The following MAGI2 variants were observed in gnomAD, a reference collection of about 807,000 sequenced individuals.
The protein encoded by MAGI2 is membrane-associated guanylate kinase, WW and PDZ domain-containing protein 2.
MAGI2 carries 35 observed loss-of-function variants against 133.3 expected under a neutral mutation model. The observed-to-expected ratio is 0.26, with a 90% CI of 0.20 to 0.35. The LOEUF (loss-of-function observed/expected upper bound fraction) is 0.35, where lower values mean the gene tolerates loss of function less well. Among genes scored for constraint, MAGI2 ranks in the 10% least tolerant of loss-of-function variants. The pLI, the probability that MAGI2 is intolerant of heterozygous loss-of-function variation, is 1.00. For missense variants in MAGI2, 1,636 were observed against 1,863.4 expected, an observed-to-expected ratio of 0.88 and a Z score of 2.25; for synonymous variants, 729 against 710.6, an observed-to-expected ratio of 1.03 and a Z score of -0.41.
chr7:78,950,255 C>A (rs923833869), intron 2 of MAGI2, among the ~76,000 whole-genome samples: 1 of 152,130 alleles, frequency 6.6e-6, no homozygotes, highest in African/African-American at 2.4e-5. Context: ...AAGACCCCTG[C>A]TAACACATAT....
At chr7:78,301,311 A>G (rs1365243444) in intron 9 of MAGI2, among the ~76,000 whole-genome samples, 1 of 152,214 alleles carries the variant, frequency 6.6e-6, no homozygotes, top group African/African-American at 2.4e-5. Flanking sequence ...AAAGATCAGT[A>G]AATTTCAGAA....
At chr7:79,256,102 G>T (rs969195459) in intron 1 of MAGI2, among the ~76,000 whole-genome samples, 1 of 152,144 alleles carries the variant, frequency 6.6e-6, no homozygotes, top group African/African-American at 2.4e-5. Flanking sequence ...AGAATCACTT[G>T]AATTAATAAC....
chr7:78,321,689 C>A (rs1256881465), intron 9 of MAGI2, among the ~76,000 whole-genome samples: 2 of 152,112 alleles, frequency 1.3e-5, no homozygotes, highest in Non-Finnish European at 2.9e-5. Flanking sequence ...CCAGGCAATA[C>A]CATTCAGGAC....
At position 78,486,684 on chromosome 7, in the gene MAGI2, A is replaced by G. The variant is rs749789179; in HGVS notation, c.1045+3077T>C. 100 of 391,662 alleles carry G rather than the reference A, an allele frequency of 2.6e-4. 2 individuals are homozygous for G. Among genetic ancestry groups the G allele is most frequent in the South Asian group, 1.8e-3 (79 of 44,036 alleles). The allele number at this position is 391,662 out of a possible 1,614,324, so 24.3% of individuals were successfully genotyped here. A position where few individuals can be genotyped will look rare whatever the true frequency, so the allele number is the denominator to read the frequency against. ...GAGAACAACAACAATGGCGACAACG[A>G]TGGTTCCAACTGGAGTCCAGCAAGG... On this transcript the variant is annotated intron_variant, in intron 6 of 21. Transcript: ENST00000354212.
chr7:78,405,864 T>A (rs1797329634), intron 6 of MAGI2, among the ~76,000 whole-genome samples: 1 of 151,946 alleles, frequency 6.6e-6, no homozygotes. Flanking sequence ...CAAAAAACAA[T>A]AAGCCTTTTA....
At chr7:79,224,720 A>G (rs1830699688) in intron 1 of MAGI2, among the ~76,000 whole-genome samples, 1 of 150,910 alleles carries the variant, frequency 6.6e-6, no homozygotes, top group Non-Finnish European at 1.5e-5. Flanking sequence ...CAGACTCAAA[A>G]GACTACATAT....
At position 78,265,079 on chromosome 7, in the gene MAGI2, TG is replaced by T. The variant is rs1793866119; in HGVS notation, c.1409-8499del. Among the ~76,000 whole-genome samples the T allele has an allele frequency of 3.4e-5, 5 of 148,638 alleles. No individual in the cohort carries two copies. In the South Asian group the frequency reaches 1.0e-3, roughly 31 times the overall value. On this transcript the variant is annotated intron_variant, in intron 9 of 21. Transcript: ENST00000354212. ...CAGTGCAGATGCTTAATTAAAAGCT[TG>T]TTTTTTTTTTTTAAATTATGATTAA...
intron 1 of MAGI2, among the ~76,000 whole-genome samples, chr7:79,186,234 A>ATATATATATATT (rs1827121168): frequency 7.8e-6 from 1 of 127,696 alleles, no homozygotes; most frequent in Non-Finnish European, 1.7e-5. Flanking sequence ...ATATATATAT[A>ATATATATATATT]TATATATATT....
intron 1 of MAGI2, among the ~76,000 whole-genome samples, chr7:79,103,583 GTTAGAAATTAGGAATGTGGTTATAT>G (rs1187081553): frequency 1.3e-5 from 2 of 152,224 alleles, no homozygotes; most frequent in Non-Finnish European, 2.9e-5. Flanking sequence ...AGTTCTTAGT[GTTAGAAATTAGGAATGTGGTTATAT>G]TTATAAAAAC....
At chr7:78,484,212 G>T (rs535336417) in intron 6 of MAGI2, 1 of 151,870 alleles carries the variant, frequency 6.6e-6, no homozygotes, top group East Asian at 1.9e-4. Context: ...ACTAATTAGC[G>T]TTTTCTACTA....
At chr7:79,083,040 C>A (rs1816182082) in intron 1 of MAGI2, among the ~76,000 whole-genome samples, 1 of 151,298 alleles carries the variant, frequency 6.6e-6, no homozygotes, top group South Asian at 2.1e-4. Flanking sequence ...CTTCTGCTTG[C>A]TGAATTCACT....
At position 78,521,441 on chromosome 7, in the gene MAGI2, A is replaced by T. The variant is rs761048587; in HGVS notation, c.743T>A (p.Val248Glu). The T allele has an allele frequency of 6.0e-5, 97 of 1,613,418 alleles. No individual in the cohort carries two copies. Among genetic ancestry groups the T allele is most frequent in the Middle Eastern group, 5.1e-4 (3 of 5,840 alleles). Residue 248 changes from valine to glutamate, a missense_variant, in exon 4 of 22, where the codon GTA becomes GAA. Transcript: ENST00000354212. The stretch of plus-strand genomic sequence containing the variant: ...TGTAAATGACTAACCTGGTGTTACT[A>T]CTACTCCATTTCCATTGACCACAGG... ...ERPVVNGNGVVVTPESSEHED... is the reference protein window; with the variant it reads ...ERPVVNGNGVEVTPESSEHED...
chr7:78,401,610 C>G (rs1192656061), intron 6 of MAGI2, among the ~76,000 whole-genome samples: 1 of 151,964 alleles, frequency 6.6e-6, no homozygotes, highest in Non-Finnish European at 1.5e-5. Context: ...TTATTTTTAT[C>G]TTTTTAGATT....
Position 78,810,564 on chromosome 7 carries a change from T to C in MAGI2, c.419-183325A>G, listed in dbSNP as rs143201221. Reference sequence around the variant, plus strand: ...AATATTAACAGTGATAGCTGAACTCTTTTTTGTTTTCCCAAGAAATATTTA... The same window carrying C: ...AATATTAACAGTGATAGCTGAACTCCTTTTTGTTTTCCCAAGAAATATTTA... On this transcript the variant is annotated intron_variant, in intron 2 of 21. Coordinates refer to ENST00000354212, the MANE Select transcript of MAGI2 (RefSeq NM_012301.4). 3.0e-3 allele frequency among the ~76,000 whole-genome samples: 460 copies of C among 152,258 alleles called. 2 individuals carry two copies. The highest frequency in any genetic ancestry group is 0.01 in the African/African-American group (433 of 41,578).
intron 1 of MAGI2, among the ~76,000 whole-genome samples, chr7:79,015,171 G>A (rs1808559146): frequency 6.6e-6 from 1 of 152,118 alleles, no homozygotes; most frequent in African/African-American, 2.4e-5. Flanking sequence ...AGCCAGGTCA[G>A]GCCAGCCATA....
At chr7:78,826,974 G>A (rs1358119305) in intron 2 of MAGI2, among the ~76,000 whole-genome samples, 2 of 152,150 alleles carry the variant, frequency 1.3e-5, no homozygotes, top group African/African-American at 2.4e-5. Flanking sequence ...CATGCAAGGA[G>A]AGGAGGCTAG....
intron 1 of MAGI2, among the ~76,000 whole-genome samples, chr7:79,336,056 T>G (rs1230916100): frequency 6.6e-6 from 1 of 152,084 alleles, no homozygotes; most frequent in Admixed American, 6.6e-5. Context: ...TAACCAATAT[T>G]CTCATTCTTG....
At chr7:78,364,778 T>C (rs1793202449) in intron 7 of MAGI2, among the ~76,000 whole-genome samples, 1 of 152,228 alleles carries the variant, frequency 6.6e-6, no homozygotes. Context: ...ACCACATTTG[T>C]ACAAAAGTCA....
In MAGI2 at chr7:79,020,764, T is replaced by C. The variant is rs535561604; in HGVS notation, c.302-13558A>G. On this transcript the variant is annotated intron_variant, in intron 1 of 21. Transcript: ENST00000354212. The stretch of plus-strand genomic sequence containing the variant: ...CTGGGTGACAGAGCAAGACTCTGTC[T>C]TAAAAAAAAAAAAAGGAAAGAAAAA... 1.4e-4 allele frequency among the ~76,000 whole-genome samples: 7 copies of C among 49,480 alleles called. No individual in the cohort carries two copies. In the South Asian group the frequency reaches 4.7e-3, roughly 33 times the overall value. The allele number at this position is 49,480 out of a possible 152,430, so 32.5% of individuals were successfully genotyped here. A position where few individuals can be genotyped will look rare whatever the true frequency, so the allele number is the denominator to read the frequency against.
Sources: allele counts gnomAD v4.1 joint callset (sites outside exome capture counted in the v4.1 genomes callset), GRCh38; gene constraint gnomAD v4.1.1; transcripts MANE v1.5; gene names NCBI Gene and HGNC (gene_info 2026-07-23, HGNC 2026-07-21).